GRM8: variants seen among roughly 807,000 people sequenced by gnomAD.
GRM8 encodes the protein glutamate metabotropic receptor 8, also known as metabotropic glutamate receptor 8.
GRM8 carries 47 observed loss-of-function variants against 87.2 expected under a neutral mutation model. The observed-to-expected ratio is 0.54, with a 90% confidence interval of 0.43 to 0.69. The LOEUF (loss-of-function observed/expected upper bound fraction) is 0.69. GRM8 is among the 30% of genes least tolerant of loss of function. The pLI, the probability that GRM8 is intolerant of heterozygous loss-of-function variation, is 0.00. For synonymous variants in GRM8, 396 were observed against 404.5 expected (o/e 0.98, Z 0.25); for missense variants, 1,019 against 1,139.2 (o/e 0.89, Z 1.52).
chr7:126,977,760 G>A (rs1811155388), intron 3 of GRM8, among the ~76,000 whole-genome samples: 1 of 152,124 alleles, frequency 6.6e-6, no homozygotes, highest in Non-Finnish European at 1.5e-5. Flanking sequence ...GGTTCCATTT[G>A]TTTCACCATG....
intron 7 of GRM8, among the ~76,000 whole-genome samples, chr7:126,619,921 G>A (rs1437708693): frequency 6.6e-6 from 1 of 151,992 alleles, no homozygotes. Flanking sequence ...GAACTCCTGG[G>A]GTCAAGCAAT....
chr7:126,496,752 T>C (rs1046988030), intron 9 of GRM8, among the ~76,000 whole-genome samples: 3 of 151,982 alleles, frequency 2.0e-5, no homozygotes, highest in Non-Finnish European at 4.4e-5. Flanking sequence ...GCAGAACTAG[T>C]AGGATGGTTG....
chr7:126,509,591 T>C (rs1450556796), intron 9 of GRM8, among the ~76,000 whole-genome samples: 1 of 152,056 alleles, frequency 6.6e-6, no homozygotes, highest in African/African-American at 2.4e-5. Context: ...TGAAGGTATC[T>C]GATTCAATGC....
intron 2 of GRM8, among the ~76,000 whole-genome samples, chr7:127,121,492 G>T (rs768698977): frequency 6.6e-6 from 1 of 152,156 alleles, no homozygotes; most frequent in South Asian, 2.1e-4. Context: ...GGGCTACAGT[G>T]AGCATCTCCG....
At chr7:126,519,605 G>A (rs1243187671) in intron 9 of GRM8, among the ~76,000 whole-genome samples, 3 of 152,098 alleles carry the variant, frequency 2.0e-5, no homozygotes, top group African/African-American at 7.2e-5. Context: ...GCAGAATGAC[G>A]GTGTTAAAAC....
intron 6 of GRM8, among the ~76,000 whole-genome samples, chr7:126,821,318 T>C (rs1794277889): frequency 6.6e-6 from 1 of 152,164 alleles, no homozygotes; most frequent in Admixed American, 6.5e-5. Flanking sequence ...CTCTCCTGTT[T>C]TGAAAAGACA....
At chr7:127,025,777 AGAG>A (rs1816719225) in intron 3 of GRM8, among the ~76,000 whole-genome samples, 1 of 152,124 alleles carries the variant, frequency 6.6e-6, no homozygotes, top group Admixed American at 6.6e-5. Flanking sequence ...TCTGAAAAAT[AGAG>A]GAGCTAGGCT....
At chr7:126,485,832 A>T (rs1024658380) in intron 9 of GRM8, among the ~76,000 whole-genome samples, 49 of 151,692 alleles carry the variant, frequency 3.2e-4, no homozygotes, top group African/African-American at 1.1e-3. Context: ...GCCTCATTAT[A>T]CTCCCTCCTT....
At chr7:127,005,747 T>C (rs1197125900) in intron 3 of GRM8, among the ~76,000 whole-genome samples, 1 of 151,908 alleles carries the variant, frequency 6.6e-6, no homozygotes, top group Non-Finnish European at 1.5e-5. Context: ...CCTAACAAAC[T>C]GAAACTCTGT....
chr7:126,612,066 T>C (rs1196909957), intron 7 of GRM8, among the ~76,000 whole-genome samples: 1 of 152,208 alleles, frequency 6.6e-6, no homozygotes, highest in Non-Finnish European at 1.5e-5. Flanking sequence ...AATTTCCCTA[T>C]ATCTCACATT....
At position 126,970,624 on chromosome 7, in the gene GRM8, T is replaced by C. The variant is rs10242010; in HGVS notation, c.728-65941A>G. ...CAGCAGTAAGGCTGTTTTGCTTTCT[T>C]ATCATTCATGTGTTCACTGGAGTAG... On this transcript the variant is annotated intron_variant, in intron 3 of 10. Transcript: ENST00000339582. Among the ~76,000 whole-genome samples the C allele has an allele frequency of 9.7e-3, 1,476 of 152,284 alleles. 26 individuals are homozygous for C. Among genetic ancestry groups the C allele is most frequent in the African/African-American group, 0.033 (1,360 of 41,556 alleles).
chr7:127,023,149 A>G (rs1261468376), intron 3 of GRM8, among the ~76,000 whole-genome samples: 1 of 152,058 alleles, frequency 6.6e-6, no homozygotes, highest in Non-Finnish European at 1.5e-5. Flanking sequence ...TGTTTTCTTC[A>G]TAACGGGTTT....
chr7:126,556,963 A>G (rs1009038703), intron 8 of GRM8, among the ~76,000 whole-genome samples: 1 of 152,186 alleles, frequency 6.6e-6, no homozygotes, highest in African/African-American at 2.4e-5. Flanking sequence ...TGGATATACT[A>G]TTAAGTATTG....
chr7:126,734,631 A>G (rs921848857), intron 7 of GRM8, among the ~76,000 whole-genome samples: 1 of 151,966 alleles, frequency 6.6e-6, no homozygotes, highest in African/African-American at 2.4e-5. Context: ...TTCATAACTT[A>G]CAACACAAAA....
intron 9 of GRM8, among the ~76,000 whole-genome samples, chr7:126,503,978 AAAAC>A (rs1810034076): frequency 6.6e-6 from 1 of 152,068 alleles, no homozygotes; most frequent in African/African-American, 2.4e-5. Context: ...TGCATGAATT[AAAAC>A]AAACAAAAAA....
At chr7:126,728,012 T>C (rs560327336) in intron 7 of GRM8, among the ~76,000 whole-genome samples, 1 of 152,290 alleles carries the variant, frequency 6.6e-6, no homozygotes, top group African/African-American at 2.4e-5. Flanking sequence ...CTAAGCCCTA[T>C]AGACACAAAA....
intron 2 of GRM8, among the ~76,000 whole-genome samples, chr7:127,210,340 A>G (rs188830057): frequency 1.1e-3 from 172 of 152,330 alleles, no homozygotes; most frequent in African/African-American, 4.0e-3. Flanking sequence ...TTAACATTTA[A>G]TAATGTTTTA....
At chr7:127,154,677 G>T (rs1419425) in intron 2 of GRM8, among the ~76,000 whole-genome samples, 1 of 151,886 alleles carries the variant, frequency 6.6e-6, no homozygotes, top group African/African-American at 2.4e-5. Context: ...CAGACAAATG[G>T]CATTTCTTAG....
rs923053275 is a variant in GRM8 at position 126,999,422 on chromosome 7, T to C, written c.728-94739A>G. On this transcript the variant is annotated intron_variant, in intron 3 of 10. Coordinates refer to ENST00000339582, the MANE Select transcript of GRM8 (RefSeq NM_000845.3). Reference sequence around the variant, plus strand: ...CATCAGTTAAAAAGCTTCTGCATACTAAAGGAAACAATCAACAAAGTGAAA... The same window carrying C: ...CATCAGTTAAAAAGCTTCTGCATACCAAAGGAAACAATCAACAAAGTGAAA... Among the ~76,000 whole-genome samples the C allele has an allele frequency of 6.6e-5, 10 of 151,416 alleles. No homozygotes were observed. The Admixed American group carries it at 6.6e-4, about 10-fold the overall frequency.
Sources: gnomAD v4.1 joint callset for allele counts (sites outside exome capture counted in the v4.1 genomes callset) on GRCh38, gnomAD v4.1.1 for gene constraint, MANE v1.5 for transcripts, NCBI Gene and HGNC (gene_info 2026-07-23, HGNC 2026-07-21) for gene names.